Variants in MTHFSD observed in about 807,000 individuals in gnomAD.
The protein encoded by MTHFSD is methenyltetrahydrofolate synthase domain-containing protein.
A neutral mutation model predicts 31.1 loss-of-function variants in MTHFSD; 37 were observed. The ratio of observed to expected loss-of-function variants is 1.19; its 90% CI spans 0.91 to 1.56. MTHFSD has a LOEUF of 1.56. MTHFSD is among the 40% of genes most tolerant of loss of function. The pLI, the probability that MTHFSD is intolerant of heterozygous loss-of-function variation, is 0.00. For missense variants in MTHFSD, 664 were observed against 510.1 expected (o/e 1.30, Z -2.91); for synonymous variants, 221 against 206.9 (o/e 1.07, Z -0.59).
intron 4 of MTHFSD, chr16:86,547,534 A>ATCTCGCAGGGT (rs1972503056): frequency 1.0e-6 from 1 of 986,636 alleles, no homozygotes; most frequent in South Asian, 4.7e-5. Flanking sequence ...TGTTCTCATC[A>ATCTCGCAGGGT]TCTCGCAGGG....
At chr16:86,551,969 C>G in intron 3 of MTHFSD, 64 bp downstream of exon 3, 1 of 1,603,922 alleles carries the variant, frequency 6.2e-7, no homozygotes, top group Non-Finnish European at 8.5e-7. Flanking sequence ...CACTGACCAG[C>G]TACCTGGAAA....
chr16:86,547,122 A>G, intron 4 of MTHFSD: 1 of 962,790 alleles, frequency 1.0e-6, no homozygotes, highest in Non-Finnish European at 1.2e-6. Flanking sequence ...GTATGCATTT[A>G]GCACATAAGA....
intron 7 of MTHFSD, among the ~76,000 whole-genome samples, chr16:86,539,307 T>C (rs1191911948): frequency 1.3e-5 from 2 of 152,128 alleles, no homozygotes; most frequent in African/African-American, 2.4e-5. Flanking sequence ...CCATCTTGGC[T>C]CAGTGAGCTA....
At chr16:86,546,374 C>T (rs1023127002) in intron 5 of MTHFSD, among the ~76,000 whole-genome samples, 185 bp downstream of exon 5, 2 of 152,226 alleles carry the variant, frequency 1.3e-5, no homozygotes, top group Non-Finnish European at 2.9e-5. Context: ...ACATGTTGGG[C>T]TGGGGCCAGA....
rs375962836 is a variant in MTHFSD, at chr16:86,552,112, A to G, written c.158T>C (p.Leu53Pro). The G allele has an allele frequency of 1.4e-5, 22 of 1,614,118 alleles. No individual in the cohort carries two copies. The African/African-American group carries it at 2.9e-4, about 22-fold the overall frequency. Residue 53 changes from leucine (L) to proline (P), a missense_variant, in exon 3 of 8, where the codon CTA becomes CCA. Coordinates refer to ENST00000360900, the MANE Select transcript of MTHFSD (RefSeq NM_001159377.2). The stretch of plus-strand genomic sequence containing the variant: ...TTCCTGTGTTCTGGCAAAAACGTCT[A>G]GGTCTTTGATGTTTTGGCAAGCCAG... The part of the protein sequence containing the change: ...SYLACQNIKD[L>P]DVFARTQEVK...
chr16:86,531,909 C>T lies in MTHFSD; in HGVS notation c.*102G>A, dbSNP rs1970024895. 1 of 773,220 alleles carries T rather than the reference C, an allele frequency of 1.3e-6. No homozygotes were observed. The highest frequency in any genetic ancestry group is 1.8e-5 in the African/African-American group (1 of 55,160). The allele number at this position is 773,220 out of a possible 1,614,324, so 47.9% of individuals were successfully genotyped here. A position where few individuals can be genotyped will look rare whatever the true frequency, so the allele number is the denominator to read the frequency against. On this transcript the variant is annotated 3_prime_UTR_variant, in exon 8 of 8. Transcript: ENST00000360900. This position sits in a 1 kb window ranked among gnomAD's most constrained non-coding sequence, Gnocchi z 5.5. ...GACCCGAGCAGCTCAGGCGGTGGCT[C>T]CGACACGTCTTGCCACGCAGGCCTC...
Position 86,532,081 on chromosome 16 carries a change from C to A in MTHFSD, c.1082G>T (p.Cys361Phe). 6.5e-7 allele frequency: 1 copy of A among 1,529,072 alleles called. No homozygotes were observed. The highest frequency in any genetic ancestry group is 8.8e-7 in the Non-Finnish European group (1 of 1,137,354). The allele number at this position is 1,529,072 out of a possible 1,614,324, so 94.7% of individuals were successfully genotyped here. The change falls in exon 8 of 8, where the codon TGC (cysteine) becomes TTC (phenylalanine). Residue 361 changes from cysteine (C) to phenylalanine (F), a missense_variant. Physicochemically the swap from Cys to Phe is radical, Grantham distance 205 (BLOSUM62 -2). Transcript: ENST00000360900. ...DSAAAQQAVS[C>F]LQGLRLGTDT... ...GGTGCCCAGGCGCAGGCCCTGCAAG[C>A]AGGAGACGGCCTGCTGGGCTGCGGC...
intron 5 of MTHFSD, among the ~76,000 whole-genome samples, chr16:86,544,531 C>A (rs1971997419): frequency 6.6e-6 from 1 of 152,184 alleles, no homozygotes; most frequent in Non-Finnish European, 1.5e-5. Flanking sequence ...CAATGAGACA[C>A]CACCTCATGC....
At chr16:86,540,788 G>A in intron 7 of MTHFSD, 1 of 995,680 alleles carries the variant, frequency 1.0e-6, no homozygotes, top group African/African-American at 1.7e-5. Flanking sequence ...GCGCTTAGAG[G>A]GCCGCCCATA....
intron 4 of MTHFSD, 79 bp downstream of exon 4, chr16:86,548,385 G>T: frequency 9.0e-7 from 1 of 1,116,552 alleles, no homozygotes; most frequent in Non-Finnish European, 1.3e-6. Flanking sequence ...ACTGTGTGCT[G>T]CTATCTTATG....
At chr16:86,534,448 T>C (rs3950702) in intron 7 of MTHFSD, among the ~76,000 whole-genome samples, 73,095 of 152,094 alleles carry the variant, frequency 0.48, 19,204 homozygotes, top group Non-Finnish European at 0.6. Flanking sequence ...TGAGAATGCT[T>C]GCTTCTGCCA....
intron 2 of MTHFSD, chr16:86,552,396 G>T: frequency 1.1e-6 from 1 of 948,202 alleles, no homozygotes. Flanking sequence ...GGCACTAACA[G>T]TCACCCAAAG....
At position 86,542,445 on chromosome 16, in the gene MTHFSD, A is replaced by G. The variant is rs2143616044; in HGVS notation, c.443-232T>C. The G allele has an allele frequency of 1.8e-6, 1 of 547,240 alleles. No homozygotes were observed. Among genetic ancestry groups the G allele is most frequent in the Admixed American group, 3.3e-5 (1 of 29,868 alleles). 33.9% of individuals were successfully genotyped at this position (547,240 alleles called of 1,614,324 possible). A position where few individuals can be genotyped will look rare whatever the true frequency, so the allele number is the denominator to read the frequency against. ...GCCAATGTCAGGTGGTGAAACTACA[A>G]TGACGTGAACACTGGACCGTTCAAG... On this transcript the variant is annotated intron_variant, in intron 5 of 7. Coordinates refer to ENST00000360900, the MANE Select transcript of MTHFSD (RefSeq NM_001159377.2). The surrounding 1 kb of genome is among the most constrained non-coding windows in gnomAD (Gnocchi z 4.6).
At chr16:86,534,440 A>G (rs1970399067) in intron 7 of MTHFSD, among the ~76,000 whole-genome samples, 1 of 152,224 alleles carries the variant, frequency 6.6e-6, no homozygotes, top group Non-Finnish European at 1.5e-5. Flanking sequence ...GCCTCGCCTG[A>G]GAATGCTTGC....
chr16:86,546,486 G>T, intron 5 of MTHFSD, 73 bp downstream of exon 5: 1 of 1,369,884 alleles, frequency 7.3e-7, no homozygotes, highest in Non-Finnish European at 1.0e-6. Context: ...ACTTTTGAAA[G>T]ACAAACAGCC....
intron 1 of MTHFSD, chr16:86,554,957 T>C: frequency 7.9e-7 from 1 of 1,263,806 alleles, no homozygotes; most frequent in Non-Finnish European, 1.1e-6. Context: ...CTTCTCGTTA[T>C]CTTTATTTTT....
At chr16:86,550,075 C>G (rs1330360232) in intron 3 of MTHFSD, among the ~76,000 whole-genome samples, 5 of 152,262 alleles carry the variant, frequency 3.3e-5, no homozygotes, top group African/African-American at 4.8e-5. Flanking sequence ...CAGTCAGACA[C>G]TGGCTGCTGT....
intron 7 of MTHFSD, chr16:86,541,193 C>A: frequency 4.7e-6 from 6 of 1,289,612 alleles, no homozygotes; most frequent in Non-Finnish European, 6.1e-6. Flanking sequence ...TGTGCCATTA[C>A]CTAATCTGGA....
intron 2 of MTHFSD, 85 bp from the exon 3 acceptor site, chr16:86,552,231 A>C: frequency 6.2e-7 from 1 of 1,613,120 alleles, no homozygotes; most frequent in South Asian, 1.1e-5. Flanking sequence ...ATTTACTTTA[A>C]TGGTCCTGGC....
Sources: gnomAD v4.1 joint callset for allele counts (sites outside exome capture counted in the v4.1 genomes callset) on GRCh38, gnomAD v4.1.1 for gene constraint, Gnocchi (gnomAD v3.1) non-coding constraint, MANE v1.5 for transcripts, NCBI Gene and HGNC (gene_info 2026-07-23, HGNC 2026-07-21) for gene names.